Variants in SSH1 observed in about 807,000 individuals in gnomAD.
The protein encoded by SSH1 is slingshot protein phosphatase 1, also known as protein phosphatase Slingshot homolog 1.
In SSH1, 43 loss-of-function variants were observed where a neutral mutation model predicts 79.7. That is an observed-to-expected ratio of 0.54 (90% CI 0.42 to 0.70). The LOEUF is 0.70. SSH1 is among the 30% of genes least tolerant of loss of function. SSH1 has a pLI of 0.00. For missense variants in SSH1, 1,206 were observed against 1,358.8 expected (o/e 0.89, Z 1.77); for synonymous variants, 599 against 538.3 (o/e 1.11, Z -1.56).
intron 1 of SSH1, chr12:108,853,506 C>G (rs2039085181): frequency 3.9e-6 from 1 of 256,008 alleles, no homozygotes; most frequent in South Asian, 1.5e-4. Flanking sequence ...GGGAGAGATG[C>G]AGGGCTGATC....
At chr12:108,839,096 TG>T (rs967071822) in intron 2 of SSH1, among the ~76,000 whole-genome samples, 22 of 152,370 alleles carry the variant, frequency 1.4e-4, no homozygotes, top group African/African-American at 5.0e-4. Flanking sequence ...GGACTCTTTT[TG>T]ACTCCACACA....
intron 14 of SSH1, 101 bp downstream of exon 14, chr12:108,792,185 T>C: frequency 6.3e-7 from 1 of 1,576,696 alleles, no homozygotes; most frequent in South Asian, 1.1e-5. Flanking sequence ...CTGGGTGTGG[T>C]GGCGGGTGCC....
chr12:108,833,227 T>C (rs2038516709), intron 2 of SSH1, among the ~76,000 whole-genome samples: 1 of 151,850 alleles, frequency 6.6e-6, no homozygotes, highest in Admixed American at 6.6e-5. Context: ...TTTAAGATAG[T>C]TCCCTGATGA....
Position 108,848,922 on chromosome 12 carries a change from T to C in SSH1, c.110+3716A>G, listed in dbSNP as rs1373039566. On this transcript the variant is annotated intron_variant, in intron 2 of 14. Coordinates refer to ENST00000326495, the MANE Select transcript of SSH1 (RefSeq NM_018984.4). ...CATCCCAGGAGGCACCTGCCACCAGTTGGCATGAGTCCTTGGTGCTGGCCC... is the reference window on the plus strand; with the variant it reads ...CATCCCAGGAGGCACCTGCCACCAGCTGGCATGAGTCCTTGGTGCTGGCCC... 2.6e-5 allele frequency among the ~76,000 whole-genome samples: 4 copies of C among 152,130 alleles called. No homozygotes were observed. In the East Asian group the frequency reaches 5.8e-4, roughly 22 times the overall value.
intron 14 of SSH1, among the ~76,000 whole-genome samples, chr12:108,791,499 G>A (rs944636433): frequency 1.1e-4 from 17 of 152,190 alleles, no homozygotes; most frequent in Admixed American, 5.2e-4. Context: ...GAGGCCAAGC[G>A]TGGTGACTCA....
At chr12:108,812,155 C>A (rs969274015) in intron 5 of SSH1, among the ~76,000 whole-genome samples, 1 of 152,218 alleles carries the variant, frequency 6.6e-6, no homozygotes, top group Non-Finnish European at 1.5e-5. Flanking sequence ...TTGTTCCAAG[C>A]CCTTCCGGCC....
rs1312179345 is a variant in SSH1, at chr12:108,789,045, G to T, written c.2093C>A (p.Ser698Tyr). The change falls in exon 15 of 15, where the codon TCC (serine) becomes TAC (tyrosine). Residue 698 changes from serine to tyrosine, a missense_variant. Ser to Tyr is a moderately radical substitution (Grantham distance 144). Transcript: ENST00000326495. ...SSPVAHLASR[S>Y]RVPEKPASGP... is the part of the protein sequence containing the mutation. ...AGAGGCTGGCTTCTCCGGAACACGG[G>T]ACCTGCTGGCCAAGTGGGCCACAGG... The T allele has an allele frequency of 1.2e-6, 2 of 1,609,532 alleles. No homozygotes were observed. Among genetic ancestry groups the T allele is most frequent in the African/African-American group, 2.7e-5 (2 of 74,746 alleles).
At chr12:108,854,942 G>A (rs532666848) in intron 1 of SSH1, among the ~76,000 whole-genome samples, 1 of 152,308 alleles carries the variant, frequency 6.6e-6, no homozygotes, top group East Asian at 1.9e-4. Context: ...TTGCCTTCGG[G>A]AAACATCCCA....
At position 108,806,410 on chromosome 12, in the gene SSH1, G is replaced by A. The variant is rs771357616; in HGVS notation, c.732-16C>T. 90 of 1,611,078 alleles carry A rather than the reference G, an allele frequency of 5.6e-5. No individual in the cohort carries two copies. Among genetic ancestry groups the A allele is most frequent in the Non-Finnish European group, 6.9e-5 (81 of 1,177,342 alleles). ...TTCAGTGGGCCTGGAAAGAAATGACGTTTAGGAGAGCAAGGAGCTGTAGAA... is the reference window on the plus strand; with the variant it reads ...TTCAGTGGGCCTGGAAAGAAATGACATTTAGGAGAGCAAGGAGCTGTAGAA... On this transcript the variant is annotated splice_polypyrimidine_tract_variant and intron_variant, in intron 8 of 14. Transcript: ENST00000326495.
At chr12:108,855,446 T>C (rs1343803755) in intron 1 of SSH1, among the ~76,000 whole-genome samples, 1 of 152,230 alleles carries the variant, frequency 6.6e-6, no homozygotes, top group Non-Finnish European at 1.5e-5. Context: ...ATCTCATGTA[T>C]ATACTAAAAA....
chr12:108,805,247 G>T (rs1256076914), intron 9 of SSH1, 63 bp from the exon 10 acceptor site: 8 of 1,573,428 alleles, frequency 5.1e-6, no homozygotes, highest in Non-Finnish European at 7.0e-6. Context: ...CACCTCAAAA[G>T]AATTAAAGTT....
chr12:108,824,037 T>C (rs552357328), intron 2 of SSH1, among the ~76,000 whole-genome samples: 2 of 152,374 alleles, frequency 1.3e-5, no homozygotes, highest in South Asian at 4.1e-4. Context: ...TCTCATGCTC[T>C]TGCTGTTGAT....
At chr12:108,810,544 T>C (rs2037531479) in intron 6 of SSH1, among the ~76,000 whole-genome samples, 1 of 152,142 alleles carries the variant, frequency 6.6e-6, no homozygotes, top group African/African-American at 2.4e-5. Flanking sequence ...AAAAAATTAA[T>C]ACAAAGATAT....
intron 2 of SSH1, among the ~76,000 whole-genome samples, chr12:108,826,796 T>C (rs1367226241): frequency 1.3e-5 from 2 of 152,150 alleles, no homozygotes; most frequent in Non-Finnish European, 1.5e-5. Context: ...GAAATCCACA[T>C]TGGTGATGGC....
intron 2 of SSH1, among the ~76,000 whole-genome samples, chr12:108,852,341 G>A (rs1593138408): frequency 2.0e-5 from 3 of 150,464 alleles, no homozygotes; most frequent in African/African-American, 4.9e-5. Context: ...CGATTCCCCC[G>A]CCTCAGCCCC....
At position 108,815,581 on chromosome 12, in the gene SSH1, C is replaced by T. The variant is rs145468421; in HGVS notation, c.401+1457G>A. Among the ~76,000 whole-genome samples, 454 of 152,338 alleles carry T rather than the reference C, an allele frequency of 3.0e-3. 2 individuals are homozygous for T. Among genetic ancestry groups the T allele is most frequent in the African/African-American group, 0.01 (430 of 41,576 alleles). ...ACTAAACACCGCTATGCCTCAGAAC[C>T]GTACAGATAATGGCCAAATAGATGG... On this transcript the variant is annotated intron_variant, in intron 5 of 14. Coordinates refer to ENST00000326495, the MANE Select transcript of SSH1 (RefSeq NM_018984.4).
intron 2 of SSH1, among the ~76,000 whole-genome samples, chr12:108,833,504 A>G (rs2038523981): frequency 6.6e-6 from 1 of 152,132 alleles, no homozygotes; most frequent in Non-Finnish European, 1.5e-5. Context: ...ATGCAGCCCC[A>G]TACCACAGTC....
chr12:108,855,353 C>A (rs1247619731), intron 1 of SSH1, among the ~76,000 whole-genome samples: 1 of 152,072 alleles, frequency 6.6e-6, no homozygotes, highest in Non-Finnish European at 1.5e-5. Context: ...CAGGGGGAGG[C>A]TGCAGGTGAG....
At chr12:108,835,432 C>CA (rs930432507) in intron 2 of SSH1, among the ~76,000 whole-genome samples, 85 of 152,042 alleles carry the variant, frequency 5.6e-4, no homozygotes, top group African/African-American at 1.9e-3. Context: ...CTTAAAAAAA[C>CA]AAAAAAACAG....
Sources: gnomAD v4.1 joint callset for allele counts (sites outside exome capture counted in the v4.1 genomes callset) on GRCh38, gnomAD v4.1.1 for gene constraint, MANE v1.5 for transcripts, NCBI Gene and HGNC (gene_info 2026-07-23, HGNC 2026-07-21) for gene names.